OR2L13: variants seen among roughly 807,000 people sequenced by gnomAD.
OR2L13 encodes the protein olfactory receptor family 2 subfamily L member 13.
A neutral mutation model predicts 15.3 loss-of-function variants in OR2L13; 14 were observed. That is an observed-to-expected ratio of 0.91 (90% CI 0.60 to 1.43). The LOEUF is 1.43. Ranked by LOEUF, OR2L13 falls within the 40% of genes most tolerant of loss-of-function variation. The pLI is 0.00. For missense variants in OR2L13, 367 were observed against 387.9 expected (o/e 0.95, Z 0.45); for synonymous variants, 152 against 142.9 (o/e 1.06, Z -0.45).
chr1:248,043,280 C>G, the OR2L13 span, among the ~76,000 whole-genome samples: 15 of 152,098 alleles, frequency 9.9e-5, no homozygotes, highest in Non-Finnish European at 1.2e-4. Flanking sequence ...CTATCAGAGA[C>G]AGTGAAATGT....
At chr1:248,088,333 A>G in the OR2L13 span, among the ~76,000 whole-genome samples, 4 of 152,024 alleles carry the variant, frequency 2.6e-5, no homozygotes, top group African/African-American at 7.2e-5. Flanking sequence ...CCTATAAACT[A>G]ATCAATTCCC....
the OR2L13 span, among the ~76,000 whole-genome samples, chr1:247,944,680 T>C: frequency 1.3e-5 from 2 of 152,220 alleles, no homozygotes; most frequent in Admixed American, 6.5e-5. Context: ...GGTGTATACG[T>C]ACCACAATTT....
the OR2L13 span, chr1:248,023,014 AT>A: frequency 1.1e-6 from 1 of 905,922 alleles, no homozygotes; most frequent in Non-Finnish European, 1.6e-6. Context: ...TTGTCTTTTA[AT>A]TTAGTCTTGA....
At chr1:247,983,581 T>TC in the OR2L13 span, among the ~76,000 whole-genome samples, 1 of 146,790 alleles carries the variant, frequency 6.8e-6, no homozygotes, top group African/African-American at 2.7e-5. Flanking sequence ...AAGAAAAAAA[T>TC]GTCCTTAAAT....
the OR2L13 span, among the ~76,000 whole-genome samples, chr1:247,979,557 A>T: frequency 6.6e-6 from 1 of 151,814 alleles, no homozygotes; most frequent in African/African-American, 2.4e-5. Flanking sequence ...TATCCAGTCT[A>T]TTATTGATGG....
chr1:247,973,871 G>A, the OR2L13 span, among the ~76,000 whole-genome samples: 128,029 of 152,166 alleles, frequency 0.84, 55,573 homozygotes, highest in South Asian at 0.97. Context: ...ACAGTGTGGC[G>A]ATTGCTCAAG....
the OR2L13 span, among the ~76,000 whole-genome samples, chr1:248,073,366 T>C: frequency 6.6e-6 from 1 of 151,970 alleles, no homozygotes; most frequent in Non-Finnish European, 1.5e-5. Context: ...CTCAGTAAGC[T>C]ATCGCAAGGA....
At chr1:248,073,337 G>T in the OR2L13 span, among the ~76,000 whole-genome samples, 73 of 152,300 alleles carry the variant, frequency 4.8e-4, 1 homozygote, top group African/African-American at 1.6e-3. Context: ...GGACATGGAT[G>T]AAATTGGAAA....
chr1:248,039,597 T>C, the OR2L13 span: 3 of 160,320 alleles, frequency 1.9e-5, no homozygotes, highest in African/African-American at 4.9e-5. Context: ...GTTTTTTTTT[T>C]AATCAAATAT....
chr1:248,000,163 A>G, the OR2L13 span, among the ~76,000 whole-genome samples: 32 of 138,288 alleles, frequency 2.3e-4, no homozygotes, highest in East Asian at 6.0e-3. Flanking sequence ...TTCTGCACCT[A>G]TGCAAATAAT....
At chr1:248,003,480 T>C in the OR2L13 span, 2 of 1,609,808 alleles carry the variant, frequency 1.2e-6, no homozygotes, top group Non-Finnish European at 1.7e-6. Context: ...CTGATATCAA[T>C]GGCCTATGTT....
At chr1:247,938,108 T>C in the OR2L13 span, among the ~76,000 whole-genome samples, 1 of 152,112 alleles carries the variant, frequency 6.6e-6, no homozygotes, top group East Asian at 1.9e-4. Context: ...AATTTAGACA[T>C]AAAATAAGCA....
chr1:248,022,991 T>A, the OR2L13 span: 2 of 1,028,534 alleles, frequency 1.9e-6, no homozygotes, highest in Non-Finnish European at 2.8e-6. Context: ...AAACAGAGAT[T>A]AATCCAGAAT....
At chr1:248,035,808 C>T in the OR2L13 span, among the ~76,000 whole-genome samples, 1 of 152,142 alleles carries the variant, frequency 6.6e-6, no homozygotes, top group Non-Finnish European at 1.5e-5. Flanking sequence ...CATTACCTTT[C>T]TCCCATTCTG....
the OR2L13 span, among the ~76,000 whole-genome samples, chr1:247,995,482 C>T: frequency 6.6e-6 from 1 of 152,160 alleles, no homozygotes; most frequent in Non-Finnish European, 1.5e-5. Flanking sequence ...TGCATTTTCA[C>T]ATAATAATTA....
chr1:247,980,619 G>C, the OR2L13 span, among the ~76,000 whole-genome samples: 1 of 152,078 alleles, frequency 6.6e-6, no homozygotes, highest in Non-Finnish European at 1.5e-5. Flanking sequence ...ATTTCTAAAC[G>C]TTGGACTAAG....
chr1:247,991,168 ACACGAGTG>A, the OR2L13 span: 1 of 1,605,528 alleles, frequency 6.2e-7, no homozygotes, highest in Admixed American at 1.7e-5. Flanking sequence ...GGGGGCCCTG[ACACGAGTG>A]ATTCAGAAAA....
chr1:248,050,194 T>C, the OR2L13 span, among the ~76,000 whole-genome samples: 1 of 152,106 alleles, frequency 6.6e-6, no homozygotes, highest in Non-Finnish European at 1.5e-5. Flanking sequence ...GACCAGGACT[T>C]TTTCTGCTCG....
At chr1:247,991,056 C>T in the OR2L13 span, 1 of 1,566,954 alleles carries the variant, frequency 6.4e-7, no homozygotes, top group Admixed American at 1.7e-5. Flanking sequence ...GCCCAAGATC[C>T]CTGCGATCTC....
Sources: allele counts gnomAD v4.1 joint callset (sites outside exome capture counted in the v4.1 genomes callset), GRCh38; gene constraint gnomAD v4.1.1; transcripts MANE v1.5; gene names NCBI Gene and HGNC (gene_info 2026-07-23, HGNC 2026-07-21).